GRM8: variants seen among roughly 807,000 people sequenced by gnomAD.
GRM8 encodes the protein metabotropic glutamate receptor 8.
A neutral mutation model predicts 87.2 loss-of-function variants in GRM8; 47 were observed. That is an observed-to-expected ratio of 0.54 (90% CI 0.43 to 0.69). GRM8 has a LOEUF of 0.69. Among genes scored for constraint, GRM8 ranks in the 30% least tolerant of loss-of-function variants. The pLI is 0.00. For missense variants in GRM8, 1,019 were observed against 1,139.2 expected, an observed-to-expected ratio of 0.89 and a Z score of 1.52; for synonymous variants, 396 against 404.5, an observed-to-expected ratio of 0.98 and a Z score of 0.25.
intron 6 of GRM8, among the ~76,000 whole-genome samples, chr7:126,876,531 C>T (rs188297933): frequency 1.3e-5 from 2 of 152,192 alleles, no homozygotes; most frequent in African/African-American, 4.8e-5. Flanking sequence ...CCTCTGTCTA[C>T]GGGTTACTTG....
rs1376938608 is a variant in GRM8 at position 127,084,478 on chromosome 7, A to G, written c.727+22018T>C. 3 of 152,346 alleles carry G rather than the reference A, an allele frequency of 2.0e-5. No homozygotes were observed. In the South Asian group the frequency reaches 6.2e-4, roughly 32 times the overall value. 9.4% of individuals were successfully genotyped at this position (152,346 alleles called of 1,614,324 possible). A position where few individuals can be genotyped will look rare whatever the true frequency, so the allele number is the denominator to read the frequency against. ...CTATAAACCATGTTTGTTATTATAA[A>G]TAACACATAAAACCACAGAGCACCT... On this transcript the variant is annotated intron_variant, in intron 3 of 10. Coordinates refer to ENST00000339582, the MANE Select transcript of GRM8 (RefSeq NM_000845.3).
chr7:126,914,393 A>G (rs1803641617), intron 3 of GRM8, among the ~76,000 whole-genome samples: 1 of 152,216 alleles, frequency 6.6e-6, no homozygotes, highest in Non-Finnish European at 1.5e-5. Context: ...CAGAACTACC[A>G]TTCAACCCAG....
intron 8 of GRM8, among the ~76,000 whole-genome samples, chr7:126,582,946 G>A (rs1292177244): frequency 6.6e-6 from 1 of 152,164 alleles, no homozygotes; most frequent in African/African-American, 2.4e-5. Flanking sequence ...TCACCCCAAA[G>A]CTCCAGTGGA....
At chr7:126,567,546 TTAAA>T (rs1361689163) in intron 8 of GRM8, among the ~76,000 whole-genome samples, 1 of 152,136 alleles carries the variant, frequency 6.6e-6, no homozygotes, top group Non-Finnish European at 1.5e-5. Context: ...ACCCTAAAAC[TTAAA>T]TAATAAAAAA....
chr7:126,840,493 A>G (rs1796174926), intron 6 of GRM8, among the ~76,000 whole-genome samples: 1 of 152,162 alleles, frequency 6.6e-6, no homozygotes, highest in South Asian at 2.1e-4. Flanking sequence ...ACTTTCAAGC[A>G]TAGTTTTTTT....
chr7:126,844,060 A>G (rs2130628943), intron 6 of GRM8, among the ~76,000 whole-genome samples: 1 of 152,356 alleles, frequency 6.6e-6, no homozygotes, highest in South Asian at 2.1e-4. Context: ...ACAATAGCCA[A>G]GCAGACTCAG....
intron 2 of GRM8, among the ~76,000 whole-genome samples, chr7:127,119,815 TC>T (rs1323927448): frequency 6.6e-6 from 1 of 152,202 alleles, no homozygotes; most frequent in African/African-American, 2.4e-5. Context: ...TCTCCAATTT[TC>T]CTCTTAAATC....
intron 8 of GRM8, among the ~76,000 whole-genome samples, chr7:126,605,237 C>T (rs1261692895): frequency 6.6e-6 from 1 of 152,064 alleles, no homozygotes; most frequent in African/African-American, 2.4e-5. Flanking sequence ...TAATAAGGAC[C>T]ACCTGTCTCT....
chr7:127,031,323 C>G (rs1415811605), intron 3 of GRM8, among the ~76,000 whole-genome samples: 5 of 152,040 alleles, frequency 3.3e-5, no homozygotes, highest in Non-Finnish European at 5.9e-5. Flanking sequence ...TTGTCATTAT[C>G]TGCAAATTTG....
At chr7:126,450,492 C>A (rs1232992548) in intron 9 of GRM8, among the ~76,000 whole-genome samples, 5 of 151,882 alleles carry the variant, frequency 3.3e-5, no homozygotes, top group African/African-American at 1.2e-4. Flanking sequence ...ACACTGACAG[C>A]CTGTATTTCT....
At chr7:126,662,761 TACA>T (rs781221589) in intron 7 of GRM8, among the ~76,000 whole-genome samples, 8 of 152,168 alleles carry the variant, frequency 5.3e-5, no homozygotes, top group Admixed American at 1.3e-4. Context: ...TGCCATCCAG[TACA>T]ACAAGAGTCG....
At chr7:127,204,657 C>T (rs1563576742) in intron 2 of GRM8, among the ~76,000 whole-genome samples, 1 of 150,150 alleles carries the variant, frequency 6.7e-6, no homozygotes, top group African/African-American at 2.5e-5. Context: ...CATTACTGTC[C>T]AAATTTTTTT....
rs1301311601 is a variant in GRM8 at position 127,252,040 on chromosome 7, C to A, written c.-312+757G>T. The A allele has an allele frequency of 6.6e-6, 1 of 152,224 alleles. No homozygotes were observed. The highest frequency in any genetic ancestry group is 1.5e-5 in the Non-Finnish European group (1 of 68,062). The allele number at this position is 152,224 out of a possible 1,614,324, so 9.4% of individuals were successfully genotyped here. A position where few individuals can be genotyped will look rare whatever the true frequency, so the allele number is the denominator to read the frequency against. ...ATCCTGGTTAGACATCCATCCAGCC[C>A]ACGCTCAGAGGGCGGGGGTTACCCC... On this transcript the variant is annotated intron_variant, in intron 1 of 10. Transcript: ENST00000339582. This position sits in a 1 kb window ranked among gnomAD's most constrained non-coding sequence, Gnocchi z 4.9.
chr7:127,020,612 T>C (rs1816166111), intron 3 of GRM8, among the ~76,000 whole-genome samples: 1 of 152,008 alleles, frequency 6.6e-6, no homozygotes, highest in Non-Finnish European at 1.5e-5. Context: ...AGAATTCATA[T>C]TTTCCTGCAG....
At chr7:127,209,985 G>A (rs769550258) in intron 2 of GRM8, among the ~76,000 whole-genome samples, 1 of 152,002 alleles carries the variant, frequency 6.6e-6, no homozygotes, top group Non-Finnish European at 1.5e-5. Flanking sequence ...GGAGGCTCTC[G>A]TGTCCTGGGG....
At chr7:126,500,851 A>C (rs1194656689) in intron 9 of GRM8, among the ~76,000 whole-genome samples, 1 of 152,012 alleles carries the variant, frequency 6.6e-6, no homozygotes, top group Non-Finnish European at 1.5e-5. Context: ...TTTTTAATTG[A>C]ATAATGTCAA....
At chr7:126,727,743 C>A (rs375873392) in intron 7 of GRM8, among the ~76,000 whole-genome samples, 1 of 142,412 alleles carries the variant, frequency 7.0e-6, no homozygotes, top group Non-Finnish European at 1.5e-5. Flanking sequence ...ACACACACCC[C>A]TAAAAAAACA....
At chr7:126,863,198 G>T (rs1204516) in intron 6 of GRM8, among the ~76,000 whole-genome samples, 99,909 of 151,918 alleles carry the variant, frequency 0.66, 33,188 homozygotes, top group African/African-American at 0.74. Context: ...TATTTAACTT[G>T]CTTCATTAAC....
intron 6 of GRM8, among the ~76,000 whole-genome samples, chr7:126,788,913 CAG>C (rs974452316): frequency 9.2e-5 from 14 of 151,914 alleles, no homozygotes; most frequent in Non-Finnish European, 1.8e-4. Flanking sequence ...TCATATTGCT[CAG>C]AGTGTATTTG....
Sources: gnomAD v4.1 joint callset for allele counts (sites outside exome capture counted in the v4.1 genomes callset) on GRCh38, gnomAD v4.1.1 for gene constraint, Gnocchi (gnomAD v3.1) non-coding constraint, MANE v1.5 for transcripts, NCBI Gene and HGNC (gene_info 2026-07-23, HGNC 2026-07-21) for gene names.